Variants in CEP250 observed in about 807,000 individuals in gnomAD.
CEP250 encodes the protein centrosomal protein 250.
A neutral mutation model predicts 315.7 loss-of-function variants in CEP250; 242 were observed. The ratio of observed to expected loss-of-function variants is 0.77; its 90% confidence interval spans 0.69 to 0.85. CEP250 has a LOEUF of 0.85. Among genes scored for constraint, CEP250 ranks in the 40% least tolerant of loss-of-function variants. The pLI is 0.00. For synonymous variants in CEP250, 1,088 were observed against 1,175.0 expected (o/e 0.93, Z 1.51); for missense variants, 2,515 against 2,886.4 (o/e 0.87, Z 2.95).
chr20:35,477,949 G>T lies in CEP250; in HGVS notation c.1942G>T (p.Ala648Ser). 1 of 1,612,054 alleles carries T rather than the reference G, an allele frequency of 6.2e-7. No homozygotes were observed. The highest frequency in any genetic ancestry group is 8.5e-7 in the Non-Finnish European group (1 of 1,179,236). ...GAGAAATGCTTTGCAGGTCGACCTGGCGGAGGCAGAGAAGAGGAGGGAAGC... is the reference window on the plus strand; with the variant it reads ...GAGAAATGCTTTGCAGGTCGACCTGTCGGAGGCAGAGAAGAGGAGGGAAGC... ...QARNALQVDL[A>S]EAEKRREALW... The change falls in exon 17 of 35, where the codon GCG (alanine) becomes TCG (serine). Residue 648 changes from alanine to serine, a missense_variant. Coordinates refer to ENST00000397527, the MANE Select transcript of CEP250 (RefSeq NM_007186.6).
chr20:35,473,530 G>A lies in CEP250; in HGVS notation c.1366G>A (p.Gly456Arg). Residue 456 changes from glycine (G) to arginine (R), a missense_variant, in exon 13 of 35, where the codon GGA becomes AGA. Gly to Arg is a moderately radical substitution (Grantham distance 125, BLOSUM62 -2). Coordinates refer to ENST00000397527, the MANE Select transcript of CEP250 (RefSeq NM_007186.6). Reference protein sequence around the residue: ...TLAGQTVDLQGEVDSLSKERE... With the variant: ...TLAGQTVDLQREVDSLSKERE... ...GGCAGGGCAGACTGTGGACCTCCAGGGAGAGGTGGACTCTCTCAGCAAGTG... is the reference window on the plus strand; with the variant it reads ...GGCAGGGCAGACTGTGGACCTCCAGAGAGAGGTGGACTCTCTCAGCAAGTG... 6.2e-7 allele frequency: 1 copy of A among 1,613,498 alleles called. No homozygotes were observed. The highest frequency in any genetic ancestry group is 8.5e-7 in the Non-Finnish European group (1 of 1,179,706).
chr20:35,469,541 A>G (rs2062972726), intron 9 of CEP250, among the ~76,000 whole-genome samples: 1 of 152,128 alleles, frequency 6.6e-6, no homozygotes, highest in Admixed American at 6.5e-5. Context: ...CCCAAGTGCA[A>G]TTCTGATGTT....
Position 35,462,568 on chromosome 20 carries a change from CT to C in CEP250, c.186+19del. The stretch of plus-strand genomic sequence containing the variant: ...TGCAGGCCAAGGTGAGGCAGCTGCC[CT>C]TTTGGGGAGGGGAAAGAGAACAACC... On this transcript the variant is annotated intron_variant, in intron 4 of 34. Coordinates refer to ENST00000397527, the MANE Select transcript of CEP250 (RefSeq NM_007186.6). 1 of 1,578,894 alleles carries C rather than the reference CT, an allele frequency of 6.3e-7. No individual in the cohort carries two copies. The highest frequency in any genetic ancestry group is 8.6e-7 in the Non-Finnish European group (1 of 1,161,794).
At chr20:35,470,512 A>G (rs1176762871) in intron 10 of CEP250, among the ~76,000 whole-genome samples, 1 of 152,138 alleles carries the variant, frequency 6.6e-6, no homozygotes, top group African/African-American at 2.4e-5. Context: ...CACTATGGGA[A>G]GCTGAGGCAG....
At chr20:35,463,296 G>A (rs371091569) in intron 4 of CEP250, among the ~76,000 whole-genome samples, 131 of 152,276 alleles carry the variant, frequency 8.6e-4, no homozygotes, top group African/African-American at 3.0e-3. Flanking sequence ...CCAGCTACTC[G>A]GGAGGCTGAG....
At chr20:35,483,719 A>G (rs1484303452) in intron 20 of CEP250, among the ~76,000 whole-genome samples, 1 of 151,862 alleles carries the variant, frequency 6.6e-6, no homozygotes, top group Non-Finnish European at 1.5e-5. Flanking sequence ...GTTGTATGTC[A>G]GACCTTTTTA....
chr20:35,508,360 G>A (rs1222881088), intron 32 of CEP250, among the ~76,000 whole-genome samples, 170 bp downstream of exon 32: 1 of 151,728 alleles, frequency 6.6e-6, no homozygotes, highest in Non-Finnish European at 1.5e-5. Flanking sequence ...GTCTCCTAGA[G>A]CTGGAGTGGA....
chr20:35,470,107 A>G, intron 10 of CEP250, 121 bp downstream of exon 10: 1 of 693,090 alleles, frequency 1.4e-6, no homozygotes, highest in East Asian at 2.7e-5. Context: ...TAAAGCTAAA[A>G]AATAAATTTT....
chr20:35,504,243 T>A lies in CEP250; in HGVS notation c.5874T>A (p.Ala1958=). 6.2e-7 allele frequency: 1 copy of A among 1,603,680 alleles called. No homozygotes were observed. The highest frequency in any genetic ancestry group is 8.5e-7 in the Non-Finnish European group (1 of 1,175,524). The part of the protein sequence containing the change: ...ESQSSRHQEE[A]ARARAEALQE... Reference sequence around the variant, plus strand: ...AGTCCTCCCGGCATCAGGAGGAGGCTGCCCGGGCCCGGGCTGAGGCTCTGC... The same window carrying A: ...AGTCCTCCCGGCATCAGGAGGAGGCAGCCCGGGCCCGGGCTGAGGCTCTGC... Residue 1958 remains alanine, a synonymous_variant, in exon 30 of 35, where the codon GCT becomes GCA. Transcript: ENST00000397527.
Position 35,476,510 on chromosome 20 carries a change from A to G in CEP250, c.1778A>G (p.Asp593Gly), listed in dbSNP as rs1362870742. The G allele has an allele frequency of 1.2e-6, 2 of 1,614,098 alleles. No homozygotes were observed. The highest frequency in any genetic ancestry group is 1.7e-6 in the Non-Finnish European group (2 of 1,179,934). The change falls in exon 16 of 35, where the codon GAT becomes GGT. Residue 593 changes from aspartate to glycine, a missense_variant. Coordinates refer to ENST00000397527, the MANE Select transcript of CEP250 (RefSeq NM_007186.6). ...SENTLKTEVA[D>G]LRAAAVKLSA... ...AACACCCTGAAGACAGAAGTAGCTGATCTTCGGGCTGCAGCTGTCAAGCTC... is the reference window on the plus strand; with the variant it reads ...AACACCCTGAAGACAGAAGTAGCTGGTCTTCGGGCTGCAGCTGTCAAGCTC...
intron 34 of CEP250, 97 bp from the exon 35 acceptor site, chr20:35,511,266 C>T: frequency 9.2e-7 from 1 of 1,086,320 alleles, no homozygotes; most frequent in Non-Finnish European, 1.3e-6. Flanking sequence ...TTCAGATGAT[C>T]AGCCAACGAG....
chr20:35,462,706 T>C (rs2062783764), intron 4 of CEP250, among the ~76,000 whole-genome samples, 153 bp downstream of exon 4: 1 of 152,218 alleles, frequency 6.6e-6, no homozygotes, highest in Non-Finnish European at 1.5e-5. Flanking sequence ...AGCTTTCATG[T>C]ACAGCTTCTC....
At chr20:35,509,348 C>T (rs751916868) in intron 33 of CEP250, among the ~76,000 whole-genome samples, 2 of 152,120 alleles carry the variant, frequency 1.3e-5, no homozygotes, top group Non-Finnish European at 2.9e-5. Flanking sequence ...GCTTAGGATC[C>T]CTGGTGTATG....
intron 1 of CEP250, among the ~76,000 whole-genome samples, chr20:35,457,799 A>G (rs562606811): frequency 8.5e-5 from 13 of 152,264 alleles, no homozygotes; most frequent in African/African-American, 2.9e-4. Context: ...ATCCTGTCTC[A>G]AAAACAAAAC....
intron 25 of CEP250, among the ~76,000 whole-genome samples, chr20:35,496,924 G>A (rs748155748): frequency 6.6e-6 from 1 of 152,188 alleles, no homozygotes; most frequent in Non-Finnish European, 1.5e-5. Context: ...GATGGACATG[G>A]CTCCTGTGGG....
intron 22 of CEP250, among the ~76,000 whole-genome samples, chr20:35,492,366 G>A (rs1339284786): frequency 6.6e-6 from 1 of 152,162 alleles, no homozygotes; most frequent in Non-Finnish European, 1.5e-5. Context: ...GGTTTATTTT[G>A]GGATTGATGG....
chr20:35,488,680 T>G (rs1199159150), intron 20 of CEP250, among the ~76,000 whole-genome samples: 1 of 152,110 alleles, frequency 6.6e-6, no homozygotes, highest in Non-Finnish European at 1.5e-5. Context: ...CCTAGGCTGG[T>G]CTCAAACTCT....
At chr20:35,475,012 C>A (rs1167196633) in intron 14 of CEP250, among the ~76,000 whole-genome samples, 9 of 152,088 alleles carry the variant, frequency 5.9e-5, no homozygotes, top group East Asian at 5.8e-4. Flanking sequence ...TCTCCCTGTA[C>A]CAAGGAGAAG....
At position 35,473,484 on chromosome 20, in the gene CEP250, C is replaced by T. The variant is rs2063078650; in HGVS notation, c.1320C>T (p.Leu440=). ...CCTTGAGACAGCGGCTGCAGAAGCTCACTGGGGAGCGGGACACTCTGGCAG... is the reference window on the plus strand; with the variant it reads ...CCTTGAGACAGCGGCTGCAGAAGCTTACTGGGGAGCGGGACACTCTGGCAG... ...GKALRQRLQK[L]TGERDTLAGQ... The change falls in exon 13 of 35, where the codon CTC becomes CTT. Residue 440 remains leucine, a synonymous_variant. Coordinates refer to ENST00000397527, the MANE Select transcript of CEP250 (RefSeq NM_007186.6). 1.2e-6 allele frequency: 2 copies of T among 1,614,192 alleles called. No individual in the cohort carries two copies. Among genetic ancestry groups the T allele is most frequent in the Non-Finnish European group, 1.7e-6 (2 of 1,180,028 alleles).
Sources: gnomAD v4.1 joint callset for allele counts (sites outside exome capture counted in the v4.1 genomes callset) on GRCh38, gnomAD v4.1.1 for gene constraint, MANE v1.5 for transcripts, NCBI Gene and HGNC (gene_info 2026-07-23, HGNC 2026-07-21) for gene names.